DMAC2L: variants seen among roughly 807,000 people sequenced by gnomAD.
The protein encoded by DMAC2L is ATP synthase subunit s, mitochondrial.
In DMAC2L, 21 loss-of-function variants were observed where a neutral mutation model predicts 22.5. The observed-to-expected ratio is 0.93, with a 90% CI of 0.66 to 1.34. DMAC2L has a LOEUF of 1.34. DMAC2L is among the 40% of genes most tolerant of loss of function. The pLI is 0.00. For synonymous variants in DMAC2L, 86 were observed against 89.5 expected (o/e 0.96, Z 0.22); for missense variants, 239 against 246.5 (o/e 0.97, Z 0.20).
intron 5 of DMAC2L, 137 bp downstream of exon 5, chr14:50,324,253 T>C: frequency 2.2e-6 from 2 of 889,936 alleles, no homozygotes; most frequent in Non-Finnish European, 3.3e-6. Flanking sequence ...CTTTCATCTG[T>C]AATATTTTAA....
At chr14:50,316,163 A>C (rs2031784380) in intron 2 of DMAC2L, among the ~76,000 whole-genome samples, 1 of 151,950 alleles carries the variant, frequency 6.6e-6, no homozygotes, top group East Asian at 1.9e-4. Flanking sequence ...ATGATTAGTG[A>C]TGTTGAGCAT....
At chr14:50,318,897 G>A (rs1417508563) in intron 2 of DMAC2L, 5 of 318,382 alleles carry the variant, frequency 1.6e-5, no homozygotes, top group Non-Finnish European at 4.5e-6. Flanking sequence ...TATGTTCTAT[G>A]AGGTCAGGAA....
chr14:50,315,870 C>T (rs903658167), intron 2 of DMAC2L, among the ~76,000 whole-genome samples: 3 of 151,994 alleles, frequency 2.0e-5, no homozygotes, highest in Non-Finnish European at 2.9e-5. Flanking sequence ...TATAAACATG[C>T]GTGTGCAAGT....
upstream of DMAC2L, chr14:50,312,201 T>C (rs892457024): frequency 9.4e-6 from 15 of 1,600,160 alleles, no homozygotes; most frequent in African/African-American, 1.3e-5. Context: ...CACTTGACCC[T>C]CCACGGCCGA....
Position 50,312,589 on chromosome 14 carries a change from C to T in DMAC2L, c.-42+200C>T, listed in dbSNP as rs913107331. 1.0e-4 allele frequency: 29 copies of T among 277,618 alleles called. No homozygotes were observed. In the East Asian group the frequency reaches 2.7e-3, roughly 26 times the overall value. 17.2% of individuals were successfully genotyped at this position (277,618 alleles called of 1,614,324 possible). A position where few individuals can be genotyped will look rare whatever the true frequency, so the allele number is the denominator to read the frequency against. On this transcript the variant is annotated intron_variant, in intron 1 of 5. Coordinates refer to ENST00000557421, the MANE Select transcript of DMAC2L (RefSeq NM_001382507.1). ...GTGAAAATTCTTGTTTGGGCGGGCC[C>T]TGCGGCTTCTTTCTTCCGGCTCGCC...
At chr14:50,324,832 G>C (rs1032312340) in intron 5 of DMAC2L, 6 of 152,354 alleles carry the variant, frequency 3.9e-5, no homozygotes, top group African/African-American at 1.4e-4. Context: ...TTGGAGTGCA[G>C]TGGCATGATC....
chr14:50,324,655 C>CTGG (rs1400254102), intron 5 of DMAC2L: 2 of 152,248 alleles, frequency 1.3e-5, no homozygotes, highest in African/African-American at 4.8e-5. Flanking sequence ...ACGCCATGGC[C>CTGG]TGGAGCAAGT....
At chr14:50,314,482 C>G (rs79988112) in intron 1 of DMAC2L, 109 bp from the exon 2 acceptor site, 2 of 454,006 alleles carry the variant, frequency 4.4e-6, no homozygotes, top group South Asian at 1.6e-5. Context: ...TTCAACTGTT[C>G]ACTCATTGAA....
intron 5 of DMAC2L, among the ~76,000 whole-genome samples, chr14:50,324,915 A>T (rs548067768): frequency 6.6e-6 from 1 of 152,256 alleles, no homozygotes; most frequent in South Asian, 2.1e-4. Context: ...AGCTGGGATT[A>T]AAGGCGTGCA....
chr14:50,325,707 A>G lies in DMAC2L; in HGVS notation c.587A>G (p.Lys196Arg). The G allele has an allele frequency of 6.2e-7, 1 of 1,610,994 alleles. No individual in the cohort carries two copies. Among genetic ancestry groups the G allele is most frequent in the South Asian group, 1.1e-5 (1 of 90,556 alleles). ...ACAGCACTGCCTTCTCTGGAACTAA[A>G]ATTACAATTGAAGTAAAATAATGTG... is the stretch of plus-strand genomic sequence containing the variant. ...FKTALPSLEL[K>R]LQLK The change falls in exon 6 of 6, where the codon AAA (lysine) becomes AGA (arginine). Residue 196 changes from lysine (K) to arginine (R), a missense_variant. Coordinates refer to ENST00000557421, the MANE Select transcript of DMAC2L (RefSeq NM_001382507.1).
chr14:50,315,326 C>T (rs999484691), intron 2 of DMAC2L, among the ~76,000 whole-genome samples: 1 of 151,620 alleles, frequency 6.6e-6, no homozygotes, highest in Non-Finnish European at 1.5e-5. Context: ...TGAGTAAGAA[C>T]ATACGATGTT....
chr14:50,319,403 C>A, intron 2 of DMAC2L: 1 of 1,470,228 alleles, frequency 6.8e-7, no homozygotes, highest in Non-Finnish European at 9.1e-7. Flanking sequence ...AGGCATCTTT[C>A]TAGTCCTCTT....
At chr14:50,318,449 G>A (rs2031995942) in intron 2 of DMAC2L, among the ~76,000 whole-genome samples, 1 of 152,150 alleles carries the variant, frequency 6.6e-6, no homozygotes, top group Non-Finnish European at 1.5e-5. Flanking sequence ...TAAATTATAA[G>A]ATGGGCCAAA....
chr14:50,326,678 T>G lies in DMAC2L; in HGVS notation c.*955T>G, dbSNP rs1566564440. 7 of 985,314 alleles carry G rather than the reference T, an allele frequency of 7.1e-6. No individual in the cohort carries two copies. The South Asian group carries it at 2.8e-4, about 40-fold the overall frequency. The allele number at this position is 985,314 out of a possible 1,614,324, so 61.0% of individuals were successfully genotyped here. On this transcript the variant is annotated 3_prime_UTR_variant, in exon 6 of 6. Coordinates refer to ENST00000557421, the MANE Select transcript of DMAC2L (RefSeq NM_001382507.1). ...ATACTTGGCTGAATACAAATAGTTTTGCAGATTGCAATATAATAAAGGAAA... is the reference window on the plus strand; with the variant it reads ...ATACTTGGCTGAATACAAATAGTTTGGCAGATTGCAATATAATAAAGGAAA...
At chr14:50,323,299 C>T (rs1482298518) in intron 4 of DMAC2L, among the ~76,000 whole-genome samples, 4 of 151,418 alleles carry the variant, frequency 2.6e-5, no homozygotes, top group African/African-American at 9.7e-5. Context: ...CCGTGTTAGC[C>T]AGGATGGTCT....
chr14:50,321,403 G>A (rs2032259364), intron 2 of DMAC2L, 80 bp from the exon 3 acceptor site: 1 of 1,565,008 alleles, frequency 6.4e-7, no homozygotes, highest in Non-Finnish European at 8.7e-7. Context: ...ATCAGTACAA[G>A]AGCATTGACT....
chr14:50,312,508 G>T, intron 1 of DMAC2L, 119 bp downstream of exon 1: 1 of 387,760 alleles, frequency 2.6e-6, no homozygotes, highest in Non-Finnish European at 4.7e-6. Context: ...GCGCGTCTTC[G>T]ACCTTCACCG....
chr14:50,324,435 C>T (rs1249210985), intron 5 of DMAC2L: 1 of 169,502 alleles, frequency 5.9e-6, no homozygotes, highest in Non-Finnish European at 1.3e-5. Context: ...GCAGTTTCTC[C>T]TATGGTTTTA....
At chr14:50,315,522 C>T (rs1408417561) in intron 2 of DMAC2L, among the ~76,000 whole-genome samples, 3 of 151,358 alleles carry the variant, frequency 2.0e-5, no homozygotes, top group African/African-American at 4.8e-5. Context: ...ATTAGCTGGG[C>T]GTGGTGGCAT....
Sources: allele counts gnomAD v4.1 joint callset (sites outside exome capture counted in the v4.1 genomes callset), GRCh38; gene constraint gnomAD v4.1.1; transcripts MANE v1.5; gene names NCBI Gene and HGNC (gene_info 2026-07-23, HGNC 2026-07-21).